The following PGM2 variants were observed in gnomAD, a reference collection of about 807,000 sequenced individuals.
PGM2 encodes the protein phosphopentomutase.
Under a neutral mutation model 74.6 loss-of-function variants are expected in PGM2, and 57 were observed. The observed-to-expected ratio is 0.76, with a 90% CI of 0.62 to 0.95. PGM2 has a LOEUF of 0.95. PGM2 is among the 40% of genes least tolerant of loss of function. The pLI is 0.00. For synonymous variants in PGM2, 273 were observed against 260.7 expected, an observed-to-expected ratio of 1.05 and a Z score of -0.46; for missense variants, 706 against 741.9, an observed-to-expected ratio of 0.95 and a Z score of 0.56.
chr4:37,827,751 T>C (rs1725334694), intron 1 of PGM2, among the ~76,000 whole-genome samples: 5 of 152,152 alleles, frequency 3.3e-5, no homozygotes, highest in African/African-American at 1.2e-4. Flanking sequence ...AATGTCTGTC[T>C]CCAGGGCCGA....
intron 12 of PGM2, among the ~76,000 whole-genome samples, chr4:37,852,577 A>G (rs996938861): frequency 3.2e-4 from 49 of 152,290 alleles, no homozygotes; most frequent in African/African-American, 1.1e-3. Flanking sequence ...AAAATGTCTT[A>G]TTCTGTCCTC....
chr4:37,832,355 C>A (rs1270962250), intron 2 of PGM2, among the ~76,000 whole-genome samples: 1 of 152,184 alleles, frequency 6.6e-6, no homozygotes, highest in Non-Finnish European at 1.5e-5. Flanking sequence ...GGGTAGTGTT[C>A]CCTGGCAGAA....
At chr4:37,849,097 A>T (rs1218910088) in intron 11 of PGM2, among the ~76,000 whole-genome samples, 1 of 151,904 alleles carries the variant, frequency 6.6e-6, no homozygotes, top group Non-Finnish European at 1.5e-5. Context: ...AATTTAAAAA[A>T]ACTAAAGAGA....
At chr4:37,844,996 CAA>C (rs1384527132) in intron 7 of PGM2, among the ~76,000 whole-genome samples, 1 of 132,690 alleles carries the variant, frequency 7.5e-6, no homozygotes, top group Non-Finnish European at 1.6e-5. Context: ...AAAAAAAAAA[CAA>C]GAAGTATGTA....
At chr4:37,839,111 A>ATTTTTTTTTTTTTTTTTTTTTTTTTTT (rs60423053) in intron 4 of PGM2, among the ~76,000 whole-genome samples, 3 of 94,662 alleles carry the variant, frequency 3.2e-5, no homozygotes, top group Non-Finnish European at 6.4e-5. Flanking sequence ...ATTCCCTCAA[A>ATTTTTTTTTTTTTTTTTTTTTTTTTTT]TTTTTTTTTT....
At chr4:37,838,148 T>A (rs533321711) in intron 4 of PGM2, among the ~76,000 whole-genome samples, 2 of 152,222 alleles carry the variant, frequency 1.3e-5, no homozygotes, top group African/African-American at 2.4e-5. Context: ...CCGGAAGTGC[T>A]GGGATTACAG....
At chr4:37,845,344 A>G (rs1481248893) in intron 7 of PGM2, among the ~76,000 whole-genome samples, 1 of 152,226 alleles carries the variant, frequency 6.6e-6, no homozygotes, top group African/African-American at 2.4e-5. Context: ...ATACCAGTCC[A>G]ACCACAGACC....
chr4:37,842,571 T>G (rs1256613449), intron 6 of PGM2, among the ~76,000 whole-genome samples: 2 of 151,880 alleles, frequency 1.3e-5, no homozygotes, highest in Non-Finnish European at 2.9e-5. Flanking sequence ...TTTTGACTAA[T>G]TGGAAAGGTC....
chr4:37,843,120 A>G (rs534782624), intron 6 of PGM2, among the ~76,000 whole-genome samples: 2 of 151,866 alleles, frequency 1.3e-5, no homozygotes, highest in Admixed American at 1.3e-4. Context: ...TCAGAGTCTG[A>G]CTCCAGAGCG....
At chr4:37,855,775 C>T in intron 13 of PGM2, 34 bp downstream of exon 13, 1 of 1,557,070 alleles carries the variant, frequency 6.4e-7, no homozygotes, top group South Asian at 1.2e-5. Context: ...GTGATTTTTA[C>T]TCCCCAGACT....
chr4:37,848,638 G>A lies in PGM2; in HGVS notation c.1399G>A (p.Ala467Thr), dbSNP rs765133927. 1.2e-6 allele frequency: 2 copies of A among 1,613,324 alleles called. No homozygotes were observed. The highest frequency in any genetic ancestry group is 1.7e-6 in the Non-Finnish European group (2 of 1,179,352). ...TTTGTCTTTGTCTCAGCAACTAAAG[G>A]CCATTTATGTGGAGTAAGTTGTTAT... Reference protein sequence around the residue: ...KNLSLSQQLKAIYVEYGYHIT... With the variant: ...KNLSLSQQLKTIYVEYGYHIT... Residue 467 changes from alanine (A) to threonine (T), a missense_variant, in exon 11 of 14, where the codon GCC becomes ACC. Physicochemically the swap from Ala to Thr is moderately conservative, Grantham distance 58 (BLOSUM62 0). This residue lies in a region of PGM2 where 359 missense variants were observed against 371.1 expected (regional missense o/e 0.97). Coordinates refer to ENST00000381967, the MANE Select transcript of PGM2 (RefSeq NM_018290.4).
At position 37,848,548 on chromosome 4, in the gene PGM2, G is replaced by A; in HGVS notation, c.1309G>A (p.Asp437Asn). 1 of 1,613,626 alleles carries A rather than the reference G, an allele frequency of 6.2e-7. No homozygotes were observed. The highest frequency in any genetic ancestry group is 1.3e-5 in the African/African-American group (1 of 75,040). ...IGYMCCPFVL[D>N]KDGVSAAVIS... ...ATACATGTGCTGCCCTTTTGTTCTG[G>A]ACAAAGATGGAGTCAGTGCCGCTGT... Residue 437 changes from aspartate to asparagine, a missense_variant, in exon 11 of 14, where the codon GAC becomes AAC. Around this residue, in one of 3 missense-constraint regions of PGM2, gnomAD observed 359 missense variants for 371.1 expected, o/e 0.97. Transcript: ENST00000381967.
intron 11 of PGM2, 138 bp downstream of exon 11, chr4:37,848,789 G>T (rs143505710): frequency 2.9e-6 from 2 of 697,840 alleles, no homozygotes; most frequent in Non-Finnish European, 4.6e-6. Context: ...ATTAAATAAG[G>T]CTGGGCACAG....
chr4:37,855,757 C>T lies in PGM2; in HGVS notation c.1736+16C>T. The T allele has an allele frequency of 5.7e-6, 9 of 1,581,766 alleles. No homozygotes were observed. The highest frequency in any genetic ancestry group is 6.9e-6 in the Non-Finnish European group (8 of 1,165,210). The stretch of plus-strand genomic sequence containing the variant: ...CTGGGAACAGGTATGATGTGGATGG[C>T]AGCTGGTGTGATTTTTACTCCCCAG... On this transcript the variant is annotated intron_variant, in intron 13 of 13. Transcript: ENST00000381967.
At chr4:37,834,787 C>A (rs1463650160) in intron 3 of PGM2, 63 bp downstream of exon 3, 2 of 787,012 alleles carry the variant, frequency 2.5e-6, no homozygotes, top group Admixed American at 2.2e-5. Flanking sequence ...ATTTTAATCA[C>A]CATCTCAATA....
rs529797509 is a variant in PGM2 at position 37,829,295 on chromosome 4, T to G, written c.82-669T>G. ...CTAGATTAATGTTTATCTTGCAATT[T>G]AAGCAAGTCACCCAATCTCTGAGGC... On this transcript the variant is annotated intron_variant, in intron 1 of 13. Transcript: ENST00000381967. Among the ~76,000 whole-genome samples the G allele has an allele frequency of 2.6e-3, 403 of 152,360 alleles. 5 individuals are homozygous for G. Among genetic ancestry groups the G allele is most frequent in the African/African-American group, 9.2e-3 (381 of 41,588 alleles).
At chr4:37,837,474 T>C (rs1373003479) in intron 3 of PGM2, 55 bp from the exon 4 acceptor site, 1 of 995,854 alleles carries the variant, frequency 1.0e-6, no homozygotes, top group African/African-American at 1.6e-5. Context: ...TTTCCATCAC[T>C]CACAGTCCTG....
At chr4:37,856,205 G>A (rs556393381) in intron 13 of PGM2, among the ~76,000 whole-genome samples, 14 of 151,980 alleles carry the variant, frequency 9.2e-5, no homozygotes, top group Middle Eastern at 3.4e-3. Flanking sequence ...CTAACACGGT[G>A]AAACCCCGTC....
At chr4:37,860,943 T>C (rs1009416595) in intron 13 of PGM2, among the ~76,000 whole-genome samples, 2 of 152,320 alleles carry the variant, frequency 1.3e-5, no homozygotes, top group Middle Eastern at 3.4e-3. Context: ...CATTATGATA[T>C]GACCACAGGG....
Sources: gnomAD v4.1 joint callset for allele counts (sites outside exome capture counted in the v4.1 genomes callset) on GRCh38, gnomAD v4.1.1 for gene constraint, gnomAD v4.1.1 regional missense constraint, MANE v1.5 for transcripts, NCBI Gene and HGNC (gene_info 2026-07-23, HGNC 2026-07-21) for gene names.